Variants in TSC22D3 observed in about 807,000 individuals in gnomAD.
The protein encoded by TSC22D3 is TSC22 domain family member 3.
In TSC22D3, 4 loss-of-function variants were observed where a neutral mutation model predicts 11.1. The ratio of observed to expected loss-of-function variants is 0.36; its 90% confidence interval spans 0.18 to 0.83. TSC22D3 has a LOEUF of 0.83. Among genes scored for constraint, TSC22D3 ranks in the 40% least tolerant of loss-of-function variants. The pLI, the probability that TSC22D3 is intolerant of heterozygous loss-of-function variation, is 0.48. For synonymous variants in TSC22D3, 77 were observed against 70.3 expected (o/e 1.10, Z -0.48); for missense variants, 118 against 159.4 (o/e 0.74, Z 1.40).
intron 1 of TSC22D3, among the ~76,000 whole-genome samples, chrX:107,743,557 C>T (rs772205208): frequency 8.9e-6 from 1 of 112,091 alleles, no homozygotes; most frequent in South Asian, 3.7e-4. Context: ...AGTCCTGGCT[C>T]CAGAGTTGGA....
intron 1 of TSC22D3, among the ~76,000 whole-genome samples, chrX:107,755,146 T>G (rs980040645): frequency 8.9e-6 from 1 of 112,372 alleles, no homozygotes; most frequent in Non-Finnish European, 1.9e-5. Context: ...AAAAATGGAT[T>G]TAGCTAATTT....
chrX:107,754,497 A>G (rs1429738324), intron 1 of TSC22D3, among the ~76,000 whole-genome samples: 1 of 112,077 alleles, frequency 8.9e-6, no homozygotes, highest in African/African-American at 3.2e-5. Flanking sequence ...TGCTATAGAT[A>G]ATCCACAAAA....
At chrX:107,765,167 T>C (rs1569454667) in intron 1 of TSC22D3, among the ~76,000 whole-genome samples, 1 of 111,961 alleles carries the variant, frequency 8.9e-6, no homozygotes, top group Non-Finnish European at 1.9e-5. Context: ...CCTGCTGCTT[T>C]CCATCGTGCC....
chrX:107,745,268 T>C (rs925536253), intron 1 of TSC22D3, among the ~76,000 whole-genome samples: 3 of 112,087 alleles, frequency 2.7e-5, no homozygotes, highest in Non-Finnish European at 5.6e-5. Context: ...GTTTCATCCA[T>C]CTCTTTGGCA....
At chrX:107,719,848 G>T (rs1927237472) in intron 1 of TSC22D3, among the ~76,000 whole-genome samples, 1 of 111,811 alleles carries the variant, frequency 8.9e-6, no homozygotes, top group South Asian at 3.7e-4. Flanking sequence ...GAGGAGAGCT[G>T]CAATGGGTGA....
intron 1 of TSC22D3, among the ~76,000 whole-genome samples, chrX:107,740,778 A>G (rs146704965): frequency 0.013 from 1,456 of 110,253 alleles, 23 homozygotes; most frequent in African/African-American, 0.045. Flanking sequence ...CTGCCATTTC[A>G]CTGGTACTCA....
chrX:107,775,439 G>A lies in TSC22D3; in HGVS notation c.-20C>T, dbSNP rs758478376. ...GGCCATCTTCTCAGGCTCGGAGGTC[G>A]CCTGGCCTGCGAGGTCAGGGGCGGC... On this transcript the variant is annotated 5_prime_UTR_variant, in exon 1 of 3. Coordinates refer to ENST00000372383, the MANE Select transcript of TSC22D3 (RefSeq NM_198057.3). The A allele has an allele frequency of 1.7e-6, 2 of 1,143,829 alleles. No individual in the cohort carries two copies. Among genetic ancestry groups the A allele is most frequent in the East Asian group, 3.3e-5 (1 of 30,665 alleles). 94.3% of individuals were successfully genotyped at this position (1,143,829 alleles called of 1,213,427 possible).
intron 1 of TSC22D3, among the ~76,000 whole-genome samples, chrX:107,766,619 A>T (rs1217380939): frequency 9.1e-6 from 1 of 110,235 alleles, no homozygotes; most frequent in African/African-American, 3.3e-5. Context: ...CCTCCCTGCC[A>T]CCTCCAAAAT....
chrX:107,721,889 T>TA (rs1927349136), intron 1 of TSC22D3: 5 of 517,224 alleles, frequency 9.7e-6, no homozygotes, highest in Non-Finnish European at 1.4e-5. Flanking sequence ...GCTGGAGGAA[T>TA]AAGGAGGCTG....
chrX:107,723,576 C>T (rs974149329), intron 1 of TSC22D3, among the ~76,000 whole-genome samples: 1 of 112,486 alleles, frequency 8.9e-6, no homozygotes, highest in African/African-American at 3.2e-5. Flanking sequence ...CAGTGTCCTG[C>T]AGCCTTCCCA....
intron 1 of TSC22D3, among the ~76,000 whole-genome samples, chrX:107,755,875 A>G (rs1221268218): frequency 1.8e-5 from 2 of 112,156 alleles, no homozygotes; most frequent in African/African-American, 6.5e-5. Context: ...GGACAGACCC[A>G]GCAATTCTCC....
chrX:107,737,717 T>A (rs183656429), intron 1 of TSC22D3, among the ~76,000 whole-genome samples: 1 of 112,142 alleles, frequency 8.9e-6, no homozygotes, highest in East Asian at 2.8e-4. Flanking sequence ...TGACAAAAAT[T>A]TATTGAGCCC....
At chrX:107,751,230 C>G (rs1928917839) in intron 1 of TSC22D3, among the ~76,000 whole-genome samples, 1 of 111,622 alleles carries the variant, frequency 9.0e-6, no homozygotes, top group Non-Finnish European at 1.9e-5. Context: ...TTATGTTGAC[C>G]CAGACAGTCT....
At chrX:107,723,120 G>A (rs1486920540) in intron 1 of TSC22D3, among the ~76,000 whole-genome samples, 1 of 110,686 alleles carries the variant, frequency 9.0e-6, no homozygotes, top group Non-Finnish European at 1.9e-5. Context: ...CATTTCATGG[G>A]GCAGAATGAG....
At chrX:107,746,395 A>G (rs1449030602) in intron 1 of TSC22D3, among the ~76,000 whole-genome samples, 1 of 111,362 alleles carries the variant, frequency 9.0e-6, no homozygotes, top group African/African-American at 3.3e-5. Context: ...CACTAGACAG[A>G]CAAGACAGAC....
chrX:107,763,498 C>G (rs955927635), intron 1 of TSC22D3, among the ~76,000 whole-genome samples: 4 of 111,209 alleles, frequency 3.6e-5, no homozygotes, highest in Admixed American at 2.9e-4. Context: ...AGAAGAAAGT[C>G]TAGCCTCCCT....
At chrX:107,745,113 T>C (rs756500924) in intron 1 of TSC22D3, among the ~76,000 whole-genome samples, 4 of 112,226 alleles carry the variant, frequency 3.6e-5, no homozygotes, top group African/African-American at 1.3e-4. Context: ...AAAGCCAGCA[T>C]GTGAGTTGAC....
chrX:107,726,498 C>T (rs1157453972), intron 1 of TSC22D3, among the ~76,000 whole-genome samples: 1 of 112,317 alleles, frequency 8.9e-6, no homozygotes, highest in East Asian at 2.8e-4. Context: ...CCTAAAATAA[C>T]ATCCCCGGCC....
chrX:107,754,769 G>T (rs944688613), intron 1 of TSC22D3, among the ~76,000 whole-genome samples: 3 of 112,398 alleles, frequency 2.7e-5, no homozygotes, highest in African/African-American at 9.7e-5. Context: ...CTAGCTTGGG[G>T]GTTAGGGCAG....
Sources: allele counts gnomAD v4.1 joint callset (sites outside exome capture counted in the v4.1 genomes callset), GRCh38; gene constraint gnomAD v4.1.1; transcripts MANE v1.5; gene names NCBI Gene and HGNC (gene_info 2026-07-23, HGNC 2026-07-21).